The following ATF7 variants were observed in gnomAD, a reference collection of about 807,000 sequenced individuals.
ATF7 encodes the protein activating transcription factor 7.
A neutral mutation model predicts 50.4 loss-of-function variants in ATF7; 10 were observed. That is an observed-to-expected ratio of 0.20 (90% CI 0.12 to 0.34). The LOEUF is 0.34. ATF7 is among the 10% of genes least tolerant of loss of function. The pLI, the probability that ATF7 is intolerant of heterozygous loss-of-function variation, is 1.00. For synonymous variants in ATF7, 201 were observed against 226.4 expected (o/e 0.89, Z 1.01); for missense variants, 465 against 613.9 (o/e 0.76, Z 2.56).
intron 5 of ATF7, among the ~76,000 whole-genome samples, chr12:53,536,155 A>C (rs1163288022): frequency 6.6e-6 from 1 of 152,116 alleles, no homozygotes; most frequent in Non-Finnish European, 1.5e-5. Flanking sequence ...CCTGAGTTCT[A>C]TCATTGTCAA....
At chr12:53,507,892 T>C (rs909412567), downstream of ATF7, 3 of 168,486 alleles carry the variant, frequency 1.8e-5, no homozygotes, top group South Asian at 1.5e-4. Flanking sequence ...TGTCCTGGAG[T>C]GGAAGAGGAG....
chr12:53,555,894 C>A (rs1472743452), intron 2 of ATF7, among the ~76,000 whole-genome samples: 1 of 152,096 alleles, frequency 6.6e-6, no homozygotes, highest in Non-Finnish European at 1.5e-5. Flanking sequence ...TGGCTCACTG[C>A]AACCTCCACC....
chr12:53,560,467 C>A (rs535959541), intron 2 of ATF7, among the ~76,000 whole-genome samples: 1 of 152,200 alleles, frequency 6.6e-6, no homozygotes, highest in African/African-American at 2.4e-5. Context: ...TGACTCTGAG[C>A]CAGGCACAAG....
chr12:53,582,764 A>T (rs1033024146), intron 2 of ATF7, among the ~76,000 whole-genome samples: 18 of 151,914 alleles, frequency 1.2e-4, no homozygotes, highest in Non-Finnish European at 2.1e-4. Flanking sequence ...ATTAGCCGGG[A>T]TTAGTAGAGA....
At chr12:53,546,534 C>T (rs1348332880) in intron 3 of ATF7, among the ~76,000 whole-genome samples, 2 of 149,790 alleles carry the variant, frequency 1.3e-5, no homozygotes, top group African/African-American at 4.9e-5. Flanking sequence ...CTGCAACCTC[C>T]ACCTCCCAGG....
chr12:53,557,731 C>G (rs1940841854), intron 2 of ATF7, among the ~76,000 whole-genome samples: 1 of 152,192 alleles, frequency 6.6e-6, no homozygotes, highest in Non-Finnish European at 1.5e-5. Context: ...CTAAGATCAT[C>G]TAGATCTGCA....
intron 4 of ATF7, 91 bp from the exon 5 acceptor site, chr12:53,537,643 C>T: frequency 6.9e-7 from 1 of 1,451,048 alleles, no homozygotes; most frequent in Non-Finnish European, 9.4e-7. Context: ...AGGGAATATG[C>T]TTCTAAGAAG....
At position 53,513,546 on chromosome 12, in the gene ATF7, G is replaced by C. The variant is rs940043279; in HGVS notation, c.*3591C>G. 1 of 152,068 alleles carries C rather than the reference G, an allele frequency of 6.6e-6. No homozygotes were observed. The highest frequency in any genetic ancestry group is 1.5e-5 in the Non-Finnish European group (1 of 68,020). 9.4% of individuals were successfully genotyped at this position (152,068 alleles called of 1,614,324 possible). Reference sequence around the variant, plus strand: ...AAGAGCATATCAACAAGGCATATGTGATATAGCTAGGAAGACTGGAATCTA... The same window carrying C: ...AAGAGCATATCAACAAGGCATATGTCATATAGCTAGGAAGACTGGAATCTA... On this transcript the variant is annotated 3_prime_UTR_variant, in exon 12 of 12. Transcript: ENST00000420353.
chr12:53,533,479 T>A (rs186620474), intron 6 of ATF7, among the ~76,000 whole-genome samples: 1 of 152,294 alleles, frequency 6.6e-6, no homozygotes, highest in African/African-American at 2.4e-5. Flanking sequence ...CTTTGCAAAT[T>A]AAGCAAACTC....
chr12:53,570,446 A>C (rs924394394), intron 2 of ATF7, among the ~76,000 whole-genome samples: 2 of 152,182 alleles, frequency 1.3e-5, no homozygotes, highest in African/African-American at 4.8e-5. Flanking sequence ...CCTCTAGGTA[A>C]CAACTCACTA....
intron 1 of ATF7, among the ~76,000 whole-genome samples, chr12:53,618,128 G>A (rs999199946): frequency 4.6e-5 from 7 of 152,130 alleles, no homozygotes; most frequent in Non-Finnish European, 8.8e-5. Context: ...ATTATTTCTC[G>A]TCATTTATGT....
intron 1 of ATF7, among the ~76,000 whole-genome samples, chr12:53,614,095 A>G (rs1386048896): frequency 2.6e-5 from 4 of 152,194 alleles, no homozygotes; most frequent in Non-Finnish European, 4.4e-5. Flanking sequence ...CACATAGCCA[A>G]AGCTTAGGAA....
At chr12:53,597,120 C>G (rs147151345) in intron 2 of ATF7, among the ~76,000 whole-genome samples, 1 of 152,204 alleles carries the variant, frequency 6.6e-6, no homozygotes, top group African/African-American at 2.4e-5. Context: ...ATAGGAATAA[C>G]AGGGCTAAAA....
chr12:53,536,802 C>T (rs1005602656), intron 5 of ATF7, among the ~76,000 whole-genome samples: 1 of 151,892 alleles, frequency 6.6e-6, no homozygotes, highest in Non-Finnish European at 1.5e-5. Flanking sequence ...GCAGGAGAAT[C>T]GCTCAAACCT....
intron 2 of ATF7, among the ~76,000 whole-genome samples, chr12:53,557,571 C>A (rs1940830629): frequency 6.6e-6 from 1 of 152,166 alleles, no homozygotes; most frequent in South Asian, 2.1e-4. Context: ...AAGGTTTTGG[C>A]AAATAGCCAC....
At chr12:53,622,432 A>G (rs569946288) in intron 1 of ATF7, among the ~76,000 whole-genome samples, 1 of 151,868 alleles carries the variant, frequency 6.6e-6, no homozygotes, top group South Asian at 2.1e-4. Context: ...CATCCTGGCT[A>G]ACACGGTGAA....
chr12:53,574,437 C>T (rs1941943148), intron 2 of ATF7, among the ~76,000 whole-genome samples: 1 of 152,170 alleles, frequency 6.6e-6, no homozygotes, highest in Non-Finnish European at 1.5e-5. Flanking sequence ...CCATGGTGAG[C>T]AGGACAATGT....
At chr12:53,603,057 T>G (rs1420639872) in intron 1 of ATF7, among the ~76,000 whole-genome samples, 1 of 152,174 alleles carries the variant, frequency 6.6e-6, no homozygotes, top group Non-Finnish European at 1.5e-5. Flanking sequence ...TCTAATATAT[T>G]TTCAACCAGG....
chr12:53,561,192 T>C (rs1331589452), intron 2 of ATF7, among the ~76,000 whole-genome samples: 2 of 151,988 alleles, frequency 1.3e-5, no homozygotes, highest in African/African-American at 2.4e-5. Context: ...TCATCCCACC[T>C]CAGCCTTCCA....
Sources: allele counts gnomAD v4.1 joint callset (sites outside exome capture counted in the v4.1 genomes callset), GRCh38; gene constraint gnomAD v4.1.1; transcripts MANE v1.5; gene names NCBI Gene and HGNC (gene_info 2026-07-23, HGNC 2026-07-21).